SLC5A4: variants seen among roughly 807,000 people sequenced by gnomAD.
The protein encoded by SLC5A4 is probable glucose sensor protein SLC5A4.
SLC5A4 carries 55 observed loss-of-function variants against 70.3 expected under a neutral mutation model. That is an observed-to-expected ratio of 0.78 (90% CI 0.63 to 0.98). The LOEUF is 0.98. Among genes scored for constraint, SLC5A4 ranks in the 50% least tolerant of loss-of-function variants. The pLI, the probability that SLC5A4 is intolerant of heterozygous loss-of-function variation, is 0.00. For missense variants in SLC5A4, 735 were observed against 839.2 expected (o/e 0.88, Z 1.53); for synonymous variants, 268 against 305.7 (o/e 0.88, Z 1.29).
the SLC5A4 span, among the ~76,000 whole-genome samples, chr22:32,302,127 G>A: frequency 1.7e-4 from 26 of 152,094 alleles, no homozygotes; most frequent in Non-Finnish European, 3.8e-4. Flanking sequence ...ATAAAAAATA[G>A]ATAAATTGAA....
the SLC5A4 span, among the ~76,000 whole-genome samples, chr22:32,333,196 A>ACCCCCC: frequency 9.2e-4 from 126 of 136,820 alleles, 2 homozygotes; most frequent in East Asian, 0.015. Context: ...TAGCACTGGC[A>ACCCCCC]CCCCCCCCCC....
chr22:32,340,983 C>T, the SLC5A4 span, among the ~76,000 whole-genome samples: 23 of 152,088 alleles, frequency 1.5e-4, no homozygotes, highest in Middle Eastern at 3.4e-3. Context: ...GGGGTGGGTG[C>T]GGATGGATTC....
At chr22:32,308,571 C>T in the SLC5A4 span, among the ~76,000 whole-genome samples, 1 of 152,208 alleles carries the variant, frequency 6.6e-6, no homozygotes, top group Non-Finnish European at 1.5e-5. Context: ...GCCAAAGAAG[C>T]CTGTTAACCC....
chr22:32,256,151 T>C (rs1436891114), upstream of SLC5A4, among the ~76,000 whole-genome samples: 2 of 152,082 alleles, frequency 1.3e-5, no homozygotes, highest in African/African-American at 2.4e-5. Flanking sequence ...TCTTTGTCTC[T>C]ATAAAAATTA....
chr22:32,328,514 A>G, the SLC5A4 span, among the ~76,000 whole-genome samples: 1 of 152,074 alleles, frequency 6.6e-6, no homozygotes, highest in Non-Finnish European at 1.5e-5. Flanking sequence ...CCCTGCGGAG[A>G]GGCCCACCCA....
intron 11 of SLC5A4, among the ~76,000 whole-genome samples, chr22:32,226,752 T>C (rs76693250): frequency 0.028 from 4,270 of 152,270 alleles, 68 homozygotes; most frequent in East Asian, 0.057. Flanking sequence ...CTATCACATG[T>C]AGAATAAAAT....
chr22:32,301,114 C>T, the SLC5A4 span, among the ~76,000 whole-genome samples: 1 of 152,158 alleles, frequency 6.6e-6, no homozygotes, highest in Non-Finnish European at 1.5e-5. Context: ...AGGCGCCCAC[C>T]ACTGCGCCCG....
the SLC5A4 span, among the ~76,000 whole-genome samples, chr22:32,317,479 T>A: frequency 6.6e-6 from 1 of 152,196 alleles, no homozygotes. Context: ...TTTATTTTTT[T>A]AGAGACAGGC....
the SLC5A4 span, chr22:32,272,188 A>T: frequency 1.4e-6 from 1 of 739,306 alleles, no homozygotes; most frequent in Non-Finnish European, 2.5e-6. Flanking sequence ...ATGCAGGAGG[A>T]GGAGGAGGTC....
chr22:32,335,531 T>C, the SLC5A4 span, among the ~76,000 whole-genome samples: 1 of 152,110 alleles, frequency 6.6e-6, no homozygotes, highest in Non-Finnish European at 1.5e-5. Context: ...CCACATCCCC[T>C]CTGATTTCAT....
chr22:32,233,072 G>A, intron 8 of SLC5A4, 38 bp from the exon 9 acceptor site: 1 of 1,592,364 alleles, frequency 6.3e-7, no homozygotes, highest in Non-Finnish European at 8.6e-7. Flanking sequence ...AAACAAGCCA[G>A]GGGATGATTT....
intron 5 of SLC5A4, among the ~76,000 whole-genome samples, chr22:32,240,517 C>T (rs1332750398): frequency 1.3e-5 from 2 of 151,886 alleles, no homozygotes; most frequent in African/African-American, 4.8e-5. Context: ...TTCTTGTTTG[C>T]CAATGAGGAT....
chr22:32,315,641 G>A, the SLC5A4 span, among the ~76,000 whole-genome samples: 2 of 151,854 alleles, frequency 1.3e-5, no homozygotes, highest in Non-Finnish European at 2.9e-5. Flanking sequence ...CATACACACA[G>A]AAAATAAAAC....
the SLC5A4 span, among the ~76,000 whole-genome samples, chr22:32,310,573 G>T: frequency 6.6e-6 from 1 of 152,092 alleles, no homozygotes; most frequent in African/African-American, 2.4e-5. Flanking sequence ...CTCTAATTGA[G>T]ACCCCCCAGC....
chr22:32,328,739 T>G, the SLC5A4 span, among the ~76,000 whole-genome samples: 1 of 152,206 alleles, frequency 6.6e-6, no homozygotes. Context: ...AAACGCTTGT[T>G]TTAAGCTGCT....
the SLC5A4 span, among the ~76,000 whole-genome samples, chr22:32,338,231 A>C: frequency 6.6e-6 from 1 of 152,220 alleles, no homozygotes; most frequent in South Asian, 2.1e-4. Context: ...GTGGGGGATA[A>C]ATGTTGCTTC....
the SLC5A4 span, among the ~76,000 whole-genome samples, chr22:32,267,753 C>T: frequency 6.6e-6 from 1 of 152,230 alleles, no homozygotes; most frequent in African/African-American, 2.4e-5. Context: ...TGATATGCCC[C>T]ATTTCAGGTG....
At chr22:32,250,004 T>C (rs1288632445) in intron 3 of SLC5A4, among the ~76,000 whole-genome samples, 1 of 152,120 alleles carries the variant, frequency 6.6e-6, no homozygotes, top group Non-Finnish European at 1.5e-5. Context: ...AGTCAAAAGA[T>C]TGGACACCCC....
the SLC5A4 span, among the ~76,000 whole-genome samples, chr22:32,339,968 C>T: frequency 2.0e-5 from 3 of 152,260 alleles, no homozygotes; most frequent in Admixed American, 6.5e-5. Context: ...AACCACAGGG[C>T]AGCTATGCAC....
Sources: gnomAD v4.1 joint callset for allele counts (sites outside exome capture counted in the v4.1 genomes callset) on GRCh38, gnomAD v4.1.1 for gene constraint, MANE v1.5 for transcripts, NCBI Gene and HGNC (gene_info 2026-07-23, HGNC 2026-07-21) for gene names.